The following SERPINB3 variants were observed in gnomAD, a reference collection of about 807,000 sequenced individuals.
The protein encoded by SERPINB3 is serpin B3.
A neutral mutation model predicts 33.0 loss-of-function variants in SERPINB3; 33 were observed. The ratio of observed to expected loss-of-function variants is 1.00; its 90% CI spans 0.76 to 1.34. SERPINB3 has a LOEUF of 1.34. Among genes scored for constraint, SERPINB3 ranks in the 40% most tolerant of loss-of-function variants. SERPINB3 has a pLI of 0.00. For synonymous variants in SERPINB3, 200 were observed against 170.9 expected (o/e 1.17, Z -1.33); for missense variants, 518 against 461.5 (o/e 1.12, Z -1.12).
At position 63,657,315 on chromosome 18, in the gene SERPINB3, T is replaced by C; in HGVS notation, c.567A>G (p.Lys189=). The change falls in exon 6 of 8, where the codon AAA becomes AAG. Residue 189 remains lysine, a synonymous_variant. Coordinates refer to ENST00000283752, the MANE Select transcript of SERPINB3 (RefSeq NM_006919.3). ...AIYFKGQWEK[K]FNKEDTKEEK... ...CCTCTTTAGTATCTTCTTTATTAAATTTCTTCTCCCACTGCCCTTTGAAAT... is the reference window on the plus strand; with the variant it reads ...CCTCTTTAGTATCTTCTTTATTAAACTTCTTCTCCCACTGCCCTTTGAAAT... 1 of 1,606,976 alleles carries C rather than the reference T, an allele frequency of 6.2e-7. No individual in the cohort carries two copies. Among genetic ancestry groups the C allele is most frequent in the Non-Finnish European group, 8.5e-7 (1 of 1,175,188 alleles).
chr18:63,659,453 A>G lies in SERPINB3; in HGVS notation c.297T>C (p.Tyr99=), dbSNP rs1315067697. 6 of 1,613,594 alleles carry G rather than the reference A, an allele frequency of 3.7e-6. No individual in the cohort carries two copies. In the African/African-American group the frequency reaches 5.3e-5, roughly 14 times the overall value. Residue 99 remains tyrosine (Y), a synonymous_variant, in exon 4 of 8, where the codon TAT becomes TAC. Transcript: ENST00000283752. The part of the protein sequence containing the change: ...LTEFNKSTDA[Y]ELKIANKLFG... ...AGAGCTTGTTGGCGATCTTCAGCTCATATGCATCAGTGGATTTGTTGAATT... is the reference window on the plus strand; with the variant it reads ...AGAGCTTGTTGGCGATCTTCAGCTCGTATGCATCAGTGGATTTGTTGAATT...
Position 63,659,379 on chromosome 18 carries a change from G to C in SERPINB3, c.351+20C>G, listed in dbSNP as rs577909258. The C allele has an allele frequency of 6.7e-7, 1 of 1,500,860 alleles. No individual in the cohort carries two copies. The highest frequency in any genetic ancestry group is 1.2e-5 in the South Asian group (1 of 86,864). 93.0% of individuals were successfully genotyped at this position (1,500,860 alleles called of 1,614,324 possible). ...GACATCAGGATGCAAATGAAATGTG[G>C]GTAGGCCAGGTGAAATTACCTGTAA... On this transcript the variant is annotated intron_variant, in intron 4 of 7. Transcript: ENST00000283752.
In SERPINB3 at chr18:63,661,001, C is replaced by T. The variant is rs367856187; in HGVS notation, c.165+51G>A. The T allele has an allele frequency of 1.2e-4, 190 of 1,610,958 alleles. No individual in the cohort carries two copies. The African/African-American group carries it at 1.5e-3, about 13-fold the overall frequency. ...CTATTACCATCTGCGTGCTAGCCGACGGAACCAGAGAAAAACTGCAACAGG... is the reference window on the plus strand; with the variant it reads ...CTATTACCATCTGCGTGCTAGCCGATGGAACCAGAGAAAAACTGCAACAGG... On this transcript the variant is annotated intron_variant, in intron 2 of 7. Transcript: ENST00000283752.
At chr18:63,656,082 A>T in intron 7 of SERPINB3, 21 bp from the exon 8 acceptor site, 2 of 1,606,294 alleles carry the variant, frequency 1.2e-6, no homozygotes, top group Non-Finnish European at 1.7e-6. Context: ...GGAAAAAAGA[A>T]ACTGATATGA....
intron 1 of SERPINB3, 75 bp from the exon 2 acceptor site, chr18:63,661,317 G>T (rs977007613): frequency 2.1e-6 from 3 of 1,445,564 alleles, no homozygotes; most frequent in African/African-American, 1.4e-5. Context: ...TTTTCTTAAA[G>T]AAATTATATA....
chr18:63,656,546 A>G lies in SERPINB3; in HGVS notation c.768+285T>C, dbSNP rs566343829. ...TGGTGTATTCGTAAACTTTCCTCAC[A>G]TTGCTATATATTTCTCCCAGTCAAG... On this transcript the variant is annotated intron_variant, in intron 7 of 7. Transcript: ENST00000283752. 2.0e-5 allele frequency among the ~76,000 whole-genome samples: 3 copies of G among 152,286 alleles called. No individual in the cohort carries two copies. The South Asian group carries it at 6.2e-4, about 32-fold the overall frequency.
intron 7 of SERPINB3, among the ~76,000 whole-genome samples, chr18:63,656,535 A>T (rs1468918288): frequency 6.6e-6 from 1 of 152,138 alleles, no homozygotes. Context: ...GTATTCGTAA[A>T]CTTTCCTCAC....
chr18:63,660,485 G>A (rs2144497431), intron 3 of SERPINB3, among the ~76,000 whole-genome samples: 1 of 152,192 alleles, frequency 6.6e-6, no homozygotes, highest in East Asian at 1.9e-4. Context: ...AGTTTTCTGG[G>A]ATGAGGTCAC....
At chr18:63,659,257 TG>T in intron 4 of SERPINB3, 141 bp downstream of exon 4, 1 of 861,636 alleles carries the variant, frequency 1.2e-6, no homozygotes, top group Non-Finnish European at 1.9e-6. Context: ...GGGAGAGTTG[TG>T]GAAACGGAGC....
intron 1 of SERPINB3, 118 bp from the exon 2 acceptor site, chr18:63,661,360 T>C: frequency 8.8e-7 from 1 of 1,130,964 alleles, no homozygotes; most frequent in East Asian, 2.5e-5. Flanking sequence ...TTTAAAGTTT[T>C]CCTCATCTTA....
rs776678891 is a variant in SERPINB3 at position 63,657,328 on chromosome 18, T to C, written c.554A>G (p.Gln185Arg). The C allele has an allele frequency of 1.9e-6, 3 of 1,609,768 alleles. No homozygotes were observed. The highest frequency in any genetic ancestry group is 1.7e-5 in the Admixed American group (1 of 59,878). Reference sequence around the variant, plus strand: ...TTCTTTATTAAATTTCTTCTCCCACTGCCCTTTGAAATAGATTGCGTTCAC... The same window carrying C: ...TTCTTTATTAAATTTCTTCTCCCACCGCCCTTTGAAATAGATTGCGTTCAC... ...VLVNAIYFKG[Q>R]WEKKFNKEDT... The change falls in exon 6 of 8, where the codon CAG becomes CGG. Residue 185 changes from glutamine to arginine, a missense_variant. By Grantham distance (43) the Gln-to-Arg change is conservative. Coordinates refer to ENST00000283752, the MANE Select transcript of SERPINB3 (RefSeq NM_006919.3).
rs1208698493 is a variant in SERPINB3 at position 63,656,909 on chromosome 18, C to T, written c.690G>A (p.Lys230=). Residue 230 remains lysine, a synonymous_variant, in exon 7 of 8, where the codon AAG becomes AAA. Coordinates refer to ENST00000283752, the MANE Select transcript of SERPINB3 (RefSeq NM_006919.3). ...TGCCTTTGTATGGTATTTCCAGGAC[C>T]TTGGCCTGTACATCCTCCAGCGAGG... ...HFASLEDVQA[K]VLEIPYKGKD... 8 of 1,613,540 alleles carry T rather than the reference C, an allele frequency of 5.0e-6. No individual in the cohort carries two copies. Among genetic ancestry groups the T allele is most frequent in the Non-Finnish European group, 6.8e-6 (8 of 1,179,622 alleles).
intron 6 of SERPINB3, 109 bp downstream of exon 6, chr18:63,657,161 A>C: frequency 1.1e-6 from 1 of 900,682 alleles, no homozygotes; most frequent in East Asian, 2.8e-5. Flanking sequence ...CTAAAACAAC[A>C]AAAAAACAGA....
chr18:63,659,879 C>T (rs1345652134), intron 3 of SERPINB3, among the ~76,000 whole-genome samples: 1 of 152,146 alleles, frequency 6.6e-6, no homozygotes, highest in East Asian at 1.9e-4. Flanking sequence ...TCACTTCTAA[C>T]AGTCATCAAG....
Position 63,655,869 on chromosome 18 carries a change from G to T in SERPINB3, c.961C>A (p.Arg321Ser), listed in dbSNP as rs540991572. The change falls in exon 8 of 8, where the codon CGC (arginine) becomes AGC (serine). Residue 321 changes from arginine to serine, a missense_variant. Transcript: ENST00000283752. Reference sequence around the variant, plus strand: ...AGGACTCCAGATAGCACGAGACCGCGGCTCCCGGTCATGCCTGAGAGGTCT... The same window carrying T: ...AGGACTCCAGATAGCACGAGACCGCTGCTCCCGGTCATGCCTGAGAGGTCT... Reference protein sequence around the residue: ...DADLSGMTGSRGLVLSGVLHK... With the variant: ...DADLSGMTGSSGLVLSGVLHK... 2 of 1,613,934 alleles carry T rather than the reference G, an allele frequency of 1.2e-6. No individual in the cohort carries two copies. Among genetic ancestry groups the T allele is most frequent in the South Asian group, 2.2e-5 (2 of 91,074 alleles).
At chr18:63,660,570 A>T (rs766216092) in intron 3 of SERPINB3, among the ~76,000 whole-genome samples, 4 of 152,128 alleles carry the variant, frequency 2.6e-5, no homozygotes, top group Non-Finnish European at 4.4e-5. Context: ...AACCTAGCCT[A>T]TCCTGATCCA....
Position 63,660,791 on chromosome 18 carries a change from G to T in SERPINB3, c.222+9C>A. The T allele has an allele frequency of 6.2e-7, 1 of 1,613,262 alleles. No homozygotes were observed. Among genetic ancestry groups the T allele is most frequent in the Non-Finnish European group, 8.5e-7 (1 of 1,179,530 alleles). On this transcript the variant is annotated intron_variant, in intron 3 of 7. Transcript: ENST00000283752. ...ATCTAAAGCTGAACCATAGTGCTCT[G>T]TGACTCACATGATATGTTGCAGCTT...
rs372923432 is a variant in SERPINB3 at position 63,659,496 on chromosome 18, A to T, written c.254T>A (p.Phe85Tyr). Reference sequence around the variant, plus strand: ...GTTGAATTCAGTCAGAAGCTTTTGAAACTGGTGATGAACATTTCCTGACCT... The same window carrying T: ...GTTGAATTCAGTCAGAAGCTTTTGATACTGGTGATGAACATTTCCTGACCT... ...VDRSGNVHHQFQKLLTEFNKS... is the reference protein window; with the variant it reads ...VDRSGNVHHQYQKLLTEFNKS... Residue 85 changes from phenylalanine to tyrosine, a missense_variant, in exon 4 of 8, where the codon TTT becomes TAT. Coordinates refer to ENST00000283752, the MANE Select transcript of SERPINB3 (RefSeq NM_006919.3). 21 of 1,613,614 alleles carry T rather than the reference A, an allele frequency of 1.3e-5. No homozygotes were observed. The highest frequency in any genetic ancestry group is 1.7e-4 in the Middle Eastern group (1 of 6,054).
Position 63,661,103 on chromosome 18 carries a change from T to A in SERPINB3, c.114A>T (p.Leu38Phe). Reference protein sequence around the residue: ...FYSPISITSALGMVLLGAKDN... With the variant: ...FYSPISITSAFGMVLLGAKDN... ...CTTTGGCTCCTAAGAGGACCATCCC[T>A]AATGCTGATGTGATGCTGATAGGGG... is the stretch of plus-strand genomic sequence containing the variant. Residue 38 changes from leucine (L) to phenylalanine (F), a missense_variant, in exon 2 of 8, where the codon TTA becomes TTT. By Grantham distance (22) the Leu-to-Phe change is conservative. Transcript: ENST00000283752. The A allele has an allele frequency of 4.3e-6, 7 of 1,613,654 alleles. No homozygotes were observed. The highest frequency in any genetic ancestry group is 5.9e-6 in the Non-Finnish European group (7 of 1,179,674).
Sources: allele counts gnomAD v4.1 joint callset (sites outside exome capture counted in the v4.1 genomes callset), GRCh38; gene constraint gnomAD v4.1.1; transcripts MANE v1.5; gene names NCBI Gene and HGNC (gene_info 2026-07-23, HGNC 2026-07-21).